DLC1: variants seen among roughly 807,000 people sequenced by gnomAD.
The protein encoded by DLC1 is rho GTPase-activating protein 7.
In DLC1, 54 loss-of-function variants were observed where a neutral mutation model predicts 140.3. The observed-to-expected ratio is 0.38, with a 90% confidence interval of 0.31 to 0.48. The LOEUF is 0.48. Ranked by LOEUF, DLC1 falls within the 20% of genes least tolerant of loss-of-function variation. DLC1 has a pLI of 0.96. For missense variants in DLC1, 2,536 were observed against 1,907.0 expected (o/e 1.33, Z -6.14); for synonymous variants, 986 against 728.1 (o/e 1.35, Z -5.70).
intron 4 of DLC1, among the ~76,000 whole-genome samples, chr8:13,315,577 T>A (rs1336304311): frequency 6.6e-6 from 1 of 152,214 alleles, no homozygotes; most frequent in Non-Finnish European, 1.5e-5. Context: ...TGCCTGCGTT[T>A]GATAACATGG....
At chr8:13,538,046 C>T (rs577446918) in intron 1 of DLC1, among the ~76,000 whole-genome samples, 78 of 152,270 alleles carry the variant, frequency 5.1e-4, no homozygotes, top group Non-Finnish European at 1.0e-3. Context: ...CAAAGTCTCA[C>T]TGAAGTAATA....
chr8:13,212,394 T>C (rs965766273), intron 5 of DLC1, among the ~76,000 whole-genome samples: 2 of 152,204 alleles, frequency 1.3e-5, no homozygotes, highest in Admixed American at 1.3e-4. Flanking sequence ...TCTGCTCTGC[T>C]AGGTTTCATG....
intron 5 of DLC1, among the ~76,000 whole-genome samples, chr8:13,182,686 GT>G (rs1208208751): frequency 1.3e-5 from 2 of 152,148 alleles, no homozygotes; most frequent in African/African-American, 2.4e-5. Context: ...CTATATCTCT[GT>G]TTTGGTACCA....
At chr8:13,431,804 G>A (rs1388903558) in intron 2 of DLC1, among the ~76,000 whole-genome samples, 1 of 152,120 alleles carries the variant, frequency 6.6e-6, no homozygotes, top group East Asian at 1.9e-4. Flanking sequence ...GCAAGTGGAG[G>A]ATAGGGGCCA....
chr8:13,185,874 C>G (rs184328587), intron 5 of DLC1, among the ~76,000 whole-genome samples: 2,634 of 152,216 alleles, frequency 0.017, 72 homozygotes, highest in African/African-American at 0.06. Context: ...ATTTGCTTGT[C>G]TGTAAAGGAT....
chr8:13,362,411 C>T (rs974384264), intron 4 of DLC1, among the ~76,000 whole-genome samples: 2 of 152,102 alleles, frequency 1.3e-5, no homozygotes, highest in African/African-American at 2.4e-5. Flanking sequence ...GTTAGATTCC[C>T]GGGCACTCTG....
chr8:13,155,409 G>A (rs4831885), intron 5 of DLC1, among the ~76,000 whole-genome samples: 57,232 of 151,242 alleles, frequency 0.38, 11,229 homozygotes, highest in East Asian at 0.53. Context: ...TAGTTTTAGA[G>A]TCTTAAGTAC....
chr8:13,363,827 A>T (rs1208569609), intron 4 of DLC1, among the ~76,000 whole-genome samples: 1 of 152,204 alleles, frequency 6.6e-6, no homozygotes, highest in African/African-American at 2.4e-5. Flanking sequence ...TAGATTTGGT[A>T]CCAAAATGAT....
intron 1 of DLC1, among the ~76,000 whole-genome samples, chr8:13,501,311 A>G (rs763538176): frequency 6.6e-6 from 1 of 152,196 alleles, no homozygotes; most frequent in Non-Finnish European, 1.5e-5. Context: ...AATTCTTCAA[A>G]CCCTTAGTTA....
intron 5 of DLC1, among the ~76,000 whole-genome samples, chr8:13,179,183 G>C (rs1276863247): frequency 1.3e-5 from 2 of 151,506 alleles, no homozygotes; most frequent in Non-Finnish European, 2.9e-5. Context: ...AGTGTGCACT[G>C]TATGACTGTA....
At chr8:13,505,286 A>T (rs930625902) in intron 1 of DLC1, among the ~76,000 whole-genome samples, 2 of 152,182 alleles carry the variant, frequency 1.3e-5, no homozygotes, top group Non-Finnish European at 2.9e-5. Context: ...GAGAGCAGGG[A>T]AAATAATTTA....
chr8:13,309,068 G>A (rs1357599475), intron 4 of DLC1, among the ~76,000 whole-genome samples: 1 of 152,112 alleles, frequency 6.6e-6, no homozygotes. Flanking sequence ...TGATGCTTAT[G>A]AGAAAGCTCC....
chr8:13,419,276 C>T (rs1838205798), intron 2 of DLC1, among the ~76,000 whole-genome samples: 1 of 152,006 alleles, frequency 6.6e-6, no homozygotes, highest in South Asian at 2.1e-4. Context: ...TGAGAGAGGG[C>T]ATCCCTGTCT....
At chr8:13,567,018 A>G (rs532978997) in intron 1 of DLC1, 1 of 1,550,662 alleles carries the variant, frequency 6.4e-7, no homozygotes, top group African/African-American at 1.4e-5. Context: ...AATTGGCCCA[A>G]ACGGACAAAA....
intron 1 of DLC1, among the ~76,000 whole-genome samples, chr8:13,504,121 ATTT>A (rs370240794): frequency 7.9e-6 from 1 of 126,444 alleles, no homozygotes; most frequent in Non-Finnish European, 1.6e-5. Flanking sequence ...ATTTCAGAGA[ATTT>A]TTTTTTTTTT....
At chr8:13,329,313 AG>A (rs1304435078) in intron 4 of DLC1, among the ~76,000 whole-genome samples, 1 of 152,202 alleles carries the variant, frequency 6.6e-6, no homozygotes, top group Non-Finnish European at 1.5e-5. Context: ...ATACATTCAT[AG>A]AAAATGATAA....
intron 5 of DLC1, among the ~76,000 whole-genome samples, chr8:13,162,777 G>C (rs184356595): frequency 1.3e-5 from 2 of 152,060 alleles, no homozygotes; most frequent in East Asian, 1.9e-4. Context: ...CCGTCTTTAC[G>C]CCTCCCCAGC....
chr8:13,386,044 T>G (rs289526), intron 4 of DLC1, among the ~76,000 whole-genome samples: 1 of 152,176 alleles, frequency 6.6e-6, no homozygotes. Flanking sequence ...TTGCCATTTT[T>G]TATTGCCCAG....
intron 5 of DLC1, among the ~76,000 whole-genome samples, chr8:13,298,364 G>A (rs144193667): frequency 4.6e-5 from 7 of 152,270 alleles, no homozygotes; most frequent in Non-Finnish European, 8.8e-5. Flanking sequence ...ATATTTGGCC[G>A]TTGGGTTGAG....
Sources: allele counts gnomAD v4.1 joint callset (sites outside exome capture counted in the v4.1 genomes callset), GRCh38; gene constraint gnomAD v4.1.1; transcripts MANE v1.5; gene names NCBI Gene and HGNC (gene_info 2026-07-23, HGNC 2026-07-21).